Variants in FGF7 observed in about 807,000 individuals in gnomAD.
FGF7 encodes the protein fibroblast growth factor 7, also known as FGF-7.
In FGF7, 6 loss-of-function variants were observed where a neutral mutation model predicts 20.5. The ratio of observed to expected loss-of-function variants is 0.29; its 90% CI spans 0.16 to 0.58. The LOEUF is 0.58. Ranked by LOEUF, FGF7 falls within the 20% of genes least tolerant of loss-of-function variation. The pLI is 0.90. For missense variants in FGF7, 144 were observed against 228.8 expected, an observed-to-expected ratio of 0.63 and a Z score of 2.39; for synonymous variants, 64 against 74.7, an observed-to-expected ratio of 0.86 and a Z score of 0.74.
intron 2 of FGF7, among the ~76,000 whole-genome samples, chr15:49,474,368 T>C (rs1261449273): frequency 6.6e-6 from 1 of 152,222 alleles, no homozygotes; most frequent in Non-Finnish European, 1.5e-5. Flanking sequence ...TATTGATTTA[T>C]TCTGCATAGC....
chr15:49,476,347 A>C (rs1412787132), intron 2 of FGF7, among the ~76,000 whole-genome samples: 2 of 151,612 alleles, frequency 1.3e-5, no homozygotes, highest in Non-Finnish European at 2.9e-5. Flanking sequence ...TCCAGATAGG[A>C]TATCATAATT....
intron 2 of FGF7, among the ~76,000 whole-genome samples, chr15:49,464,056 C>T (rs550711777): frequency 2.0e-5 from 3 of 152,148 alleles, no homozygotes; most frequent in East Asian, 1.9e-4. Flanking sequence ...TTTCCATCCC[C>T]AAACACCTGC....
chr15:49,476,476 C>T (rs1204669010), intron 2 of FGF7, among the ~76,000 whole-genome samples: 2 of 151,826 alleles, frequency 1.3e-5, no homozygotes, highest in African/African-American at 4.8e-5. Flanking sequence ...GTATTTGTAT[C>T]CTACAATTTC....
At chr15:49,428,794 T>G (rs1190682491) in intron 2 of FGF7, among the ~76,000 whole-genome samples, 1 of 152,030 alleles carries the variant, frequency 6.6e-6, no homozygotes, top group Non-Finnish European at 1.5e-5. Context: ...TTGATTATAA[T>G]GAAGCACTGT....
chr15:49,433,273 T>A (rs910405521), intron 2 of FGF7, among the ~76,000 whole-genome samples: 12 of 151,652 alleles, frequency 7.9e-5, no homozygotes, highest in African/African-American at 2.2e-4. Context: ...ATTCTTTCTG[T>A]TTGCATTTGG....
At chr15:49,484,126 A>AC (rs1266959450) in intron 3 of FGF7, among the ~76,000 whole-genome samples, 184 bp from the exon 4 acceptor site, 1 of 152,018 alleles carries the variant, frequency 6.6e-6, no homozygotes, top group Non-Finnish European at 1.5e-5. Context: ...AATTTAAGAT[A>AC]CCTTTTTATG....
intron 2 of FGF7, among the ~76,000 whole-genome samples, chr15:49,478,554 T>C (rs1379520262): frequency 1.3e-5 from 2 of 152,190 alleles, no homozygotes; most frequent in African/African-American, 2.4e-5. Flanking sequence ...TAAATGTTTT[T>C]TTCTTTGTTG....
Position 49,428,244 on chromosome 15 carries a change from T to C in FGF7, c.286+3661T>C, listed in dbSNP as rs182919655. On this transcript the variant is annotated intron_variant, in intron 2 of 3. Coordinates refer to ENST00000267843, the MANE Select transcript of FGF7 (RefSeq NM_002009.4). ...AGTCTCTCCCCTTTACTTATCTCTC[T>C]GGTGGCTTCACATTTAGCCTAACAG... Among the ~76,000 whole-genome samples the C allele has an allele frequency of 2.0e-5, 3 of 152,060 alleles. No individual in the cohort carries two copies. In the East Asian group the frequency reaches 5.8e-4, roughly 30 times the overall value.
intron 2 of FGF7, among the ~76,000 whole-genome samples, chr15:49,450,548 T>C (rs1315519202): frequency 2.0e-5 from 3 of 152,124 alleles, no homozygotes; most frequent in African/African-American, 7.2e-5. Context: ...AAATATTTAC[T>C]CTTTAGTTAT....
chr15:49,423,893 A>C (rs2049902515), intron 1 of FGF7, 139 bp from the exon 2 acceptor site: 2 of 160,422 alleles, frequency 1.2e-5, no homozygotes, highest in Non-Finnish European at 2.7e-5. Flanking sequence ...ATCCTCTGTG[A>C]AGGCTGTTTT....
intron 2 of FGF7, among the ~76,000 whole-genome samples, chr15:49,475,680 C>T (rs2055198381): frequency 1.3e-5 from 2 of 151,874 alleles, no homozygotes; most frequent in African/African-American, 4.8e-5. Context: ...CAAGAATGTA[C>T]ACAATTTGCA....
chr15:49,448,816 T>C (rs1321793865), intron 2 of FGF7, among the ~76,000 whole-genome samples: 2 of 151,772 alleles, frequency 1.3e-5, no homozygotes, highest in African/African-American at 2.4e-5. Context: ...TGGCAAAACT[T>C]TTCTTGAAGC....
intron 2 of FGF7, among the ~76,000 whole-genome samples, chr15:49,467,589 T>C (rs923778545): frequency 5.3e-5 from 8 of 152,162 alleles, no homozygotes; most frequent in East Asian, 1.9e-4. Flanking sequence ...AAAAATCTGA[T>C]ACTTTCTCAC....
At chr15:49,458,186 G>C (rs953391925) in intron 2 of FGF7, among the ~76,000 whole-genome samples, 19 of 151,904 alleles carry the variant, frequency 1.3e-4, no homozygotes, top group African/African-American at 4.3e-4. Flanking sequence ...GGATCTTAGA[G>C]CAGGAATTTT....
intron 2 of FGF7, among the ~76,000 whole-genome samples, chr15:49,442,194 G>C (rs2051720148): frequency 6.6e-6 from 1 of 151,342 alleles, no homozygotes; most frequent in Admixed American, 6.6e-5. Context: ...TTTGCTAATG[G>C]AAAGATTCTA....
chr15:49,450,465 C>T (rs1023989589), intron 2 of FGF7, among the ~76,000 whole-genome samples: 1 of 152,060 alleles, frequency 6.6e-6, no homozygotes. Context: ...TCTTAGCCAG[C>T]TACACCATTA....
In FGF7 at chr15:49,486,633, A is replaced by G. The variant is rs2056421732; in HGVS notation, c.*2129A>G. ...TGTATATACATATAAAATACAAGCT[A>G]TGTTAGGACCAAATGCTCTTTGTCT... On this transcript the variant is annotated 3_prime_UTR_variant, in exon 4 of 4. Transcript: ENST00000267843. 1 of 152,026 alleles carries G rather than the reference A, an allele frequency of 6.6e-6. No individual in the cohort carries two copies. Among genetic ancestry groups the G allele is most frequent in the African/African-American group, 2.4e-5 (1 of 41,434 alleles). 9.4% of individuals were successfully genotyped at this position (152,026 alleles called of 1,614,324 possible).
chr15:49,478,095 G>C (rs2055529957), intron 2 of FGF7, among the ~76,000 whole-genome samples: 1 of 152,102 alleles, frequency 6.6e-6, no homozygotes, highest in Non-Finnish European at 1.5e-5. Flanking sequence ...GTAGTCCCCA[G>C]TGTCAGTTGT....
chr15:49,455,754 ACGTG>A (rs918949033), intron 2 of FGF7, among the ~76,000 whole-genome samples: 1 of 152,156 alleles, frequency 6.6e-6, no homozygotes, highest in African/African-American at 2.4e-5. Context: ...AGAAAACAAA[ACGTG>A]CTCCACTTTG....
Sources: allele counts gnomAD v4.1 joint callset (sites outside exome capture counted in the v4.1 genomes callset), GRCh38; gene constraint gnomAD v4.1.1; transcripts MANE v1.5; gene names NCBI Gene and HGNC (gene_info 2026-07-23, HGNC 2026-07-21).